The following VAX2 variants were observed in gnomAD, a reference collection of about 807,000 sequenced individuals.
VAX2 encodes the protein ventral anterior homeobox 2.
Under a neutral mutation model 12.5 loss-of-function variants are expected in VAX2, and 8 were observed. The observed-to-expected ratio is 0.64, with a 90% CI of 0.37 to 1.15. VAX2 has a LOEUF of 1.15. Among genes scored for constraint, VAX2 ranks in the 50% most tolerant of loss-of-function variants. The probability of loss-of-function intolerance (pLI) is 0.01; values close to 1 mark genes in which losing one functional copy is unlikely to be tolerated. For synonymous variants in VAX2, 183 were observed against 187.6 expected, an observed-to-expected ratio of 0.98 and a Z score of 0.20; for missense variants, 476 against 412.9, an observed-to-expected ratio of 1.15 and a Z score of -1.32.
intron 2 of VAX2, among the ~76,000 whole-genome samples, chr2:70,922,518 A>AG (rs1553412986): frequency 6.6e-6 from 1 of 151,902 alleles, no homozygotes; most frequent in Non-Finnish European, 1.5e-5. Flanking sequence ...ACCCCTGGGG[A>AG]GGGGGTAGTC....
intron 2 of VAX2, 38 bp downstream of exon 2, chr2:70,921,323 G>A: frequency 6.6e-7 from 1 of 1,525,692 alleles, no homozygotes; most frequent in Non-Finnish European, 8.8e-7. Flanking sequence ...CTCTTGTCCT[G>A]GCAGCCTGGG....
At chr2:70,908,024 C>T (rs556305002) in intron 1 of VAX2, among the ~76,000 whole-genome samples, 3 of 152,280 alleles carry the variant, frequency 2.0e-5, no homozygotes, top group South Asian at 2.1e-4. Flanking sequence ...GGTTGTTTTT[C>T]CTTAATATAA....
intron 1 of VAX2, among the ~76,000 whole-genome samples, chr2:70,902,043 C>T (rs1678946298): frequency 6.6e-6 from 1 of 152,220 alleles, no homozygotes; most frequent in Non-Finnish European, 1.5e-5. Context: ...CTGGGGAAGG[C>T]GAACAGGCTG....
At position 70,929,817 on chromosome 2, in the gene VAX2, G is replaced by A. The variant is rs538347747; in HGVS notation, c.436-2950G>A. 4.6e-5 allele frequency among the ~76,000 whole-genome samples: 7 copies of A among 152,196 alleles called. No homozygotes were observed. The East Asian group carries it at 5.8e-4, about 13-fold the overall frequency. ...TCACCTCAAATCATTTGAGAAACAC[G>A]GCTCAAAGCCCTTGCTGCCAATTGA... On this transcript the variant is annotated intron_variant, in intron 2 of 2. Coordinates refer to ENST00000234392, the MANE Select transcript of VAX2 (RefSeq NM_012476.3).
chr2:70,911,520 T>C (rs1363801030), intron 1 of VAX2, among the ~76,000 whole-genome samples: 1 of 152,170 alleles, frequency 6.6e-6, no homozygotes, highest in African/African-American at 2.4e-5. Flanking sequence ...TTATTCCTCT[T>C]CAAAAACCAT....
chr2:70,913,507 C>T lies in VAX2; in HGVS notation c.248-7591C>T, dbSNP rs147087937. Reference sequence around the variant, plus strand: ...GTCTGGCCAACATGGTGAAACCCTGCCTCTACTAAAAATACAAAAATTAGC... The same window carrying T: ...GTCTGGCCAACATGGTGAAACCCTGTCTCTACTAAAAATACAAAAATTAGC... On this transcript the variant is annotated intron_variant, in intron 1 of 2. Transcript: ENST00000234392. Among the ~76,000 whole-genome samples, 511 of 151,960 alleles carry T rather than the reference C, an allele frequency of 3.4e-3. 3 individuals carry two copies. Among genetic ancestry groups the T allele is most frequent in the Middle Eastern group, 0.031 (9 of 294 alleles).
intron 1 of VAX2, among the ~76,000 whole-genome samples, chr2:70,902,078 C>A (rs1458194380): frequency 6.6e-6 from 1 of 151,864 alleles, no homozygotes; most frequent in Non-Finnish European, 1.5e-5. Flanking sequence ...GTCGTTCCAG[C>A]GAGGGGATTA....
In VAX2 at chr2:70,933,222, A is replaced by G; in HGVS notation, c.*18A>G. 1 of 1,499,696 alleles carries G rather than the reference A, an allele frequency of 6.7e-7. No individual in the cohort carries two copies. The highest frequency in any genetic ancestry group is 8.9e-7 in the Non-Finnish European group (1 of 1,123,888). 92.9% of individuals were successfully genotyped at this position (1,499,696 alleles called of 1,614,324 possible). ...ACACTTAAGACTCCCACCCTGTGACACTGAGTCCCGAGCACAGCACCTTCC... is the reference window on the plus strand; with the variant it reads ...ACACTTAAGACTCCCACCCTGTGACGCTGAGTCCCGAGCACAGCACCTTCC... On this transcript the variant is annotated 3_prime_UTR_variant, in exon 3 of 3. Coordinates refer to ENST00000234392, the MANE Select transcript of VAX2 (RefSeq NM_012476.3).
chr2:70,919,707 C>A (rs1407827655), intron 1 of VAX2, among the ~76,000 whole-genome samples: 1 of 152,036 alleles, frequency 6.6e-6, no homozygotes, highest in Non-Finnish European at 1.5e-5. Context: ...CAAAAATTAG[C>A]AGGGCGTGGT....
chr2:70,913,488 C>T (rs1030473398), intron 1 of VAX2, among the ~76,000 whole-genome samples: 9 of 152,054 alleles, frequency 5.9e-5, no homozygotes, highest in Admixed American at 3.3e-4. Context: ...ACCAGTCTGG[C>T]CAACATGGTG....
chr2:70,932,486 T>C (rs1330103273), intron 2 of VAX2, among the ~76,000 whole-genome samples: 3 of 151,980 alleles, frequency 2.0e-5, no homozygotes, highest in Non-Finnish European at 4.4e-5. Flanking sequence ...TGTCGATCCA[T>C]TCCTCCATCC....
chr2:70,909,222 G>T (rs112989668), intron 1 of VAX2, among the ~76,000 whole-genome samples: 3,169 of 152,164 alleles, frequency 0.021, 118 homozygotes, highest in African/African-American at 0.072. Context: ...CTGGAGTGCA[G>T]TGGCCCAACA....
Position 70,932,637 on chromosome 2 carries a change from A to AGCCCCCCC in VAX2, c.436-130_436-129insGCCCCCCC. ...TCTTTCCCTCTTGCTCCACCCTCAC[A>AGCCCCCCC]CCCCACCCCCACCCCCATCCACCAC... On this transcript the variant is annotated intron_variant, in intron 2 of 2. Transcript: ENST00000234392. 2.1e-5 allele frequency: 3 copies of AGCCCCCCC among 144,554 alleles called. 1 individual carries two copies. The highest frequency in any genetic ancestry group is 1.8e-4 in the East Asian group (1 of 5,578). 9.0% of individuals were successfully genotyped at this position (144,554 alleles called of 1,614,324 possible). A position where few individuals can be genotyped will look rare whatever the true frequency, so the allele number is the denominator to read the frequency against.
intron 1 of VAX2, among the ~76,000 whole-genome samples, chr2:70,909,108 T>C (rs1166666319): frequency 6.6e-6 from 1 of 152,234 alleles, no homozygotes; most frequent in Non-Finnish European, 1.5e-5. Context: ...CCTTTGATTT[T>C]GTTTAGGATG....
chr2:70,921,126 C>T lies in VAX2; in HGVS notation c.276C>T (p.Val92=), dbSNP rs782573954. The change falls in exon 2 of 3, where the codon GTC becomes GTT. Residue 92 remains valine (V), a synonymous_variant. Transcript: ENST00000234392. ...CCAAAGGGACAATTCGGGAAATTGT[C>T]CTGCCTAAGGGCCTGGACCTGGACC... The part of the protein sequence containing the change: ...RDAKGTIREI[V]LPKGLDLDRP... 1.9e-6 allele frequency: 3 copies of T among 1,606,944 alleles called. No individual in the cohort carries two copies. The highest frequency in any genetic ancestry group is 1.7e-5 in the Admixed American group (1 of 58,740).
In VAX2 at chr2:70,921,191, T is replaced by G. The variant is rs1679448981; in HGVS notation, c.341T>G (p.Leu114Arg). Reference protein sequence around the residue: ...RTRTSFTAEQLYRLEMEFQRC... With the variant: ...RTRTSFTAEQRYRLEMEFQRC... ...CGTACATCCTTCACTGCCGAGCAGC[T>G]GTACCGCCTGGAGATGGAGTTCCAG... Residue 114 changes from leucine to arginine, a missense_variant, in exon 2 of 3, where the codon CTG (leucine) becomes CGG (arginine). By Grantham distance (102) the Leu-to-Arg change is moderately radical (BLOSUM62 -2). Transcript: ENST00000234392. The G allele has an allele frequency of 4.3e-6, 7 of 1,613,574 alleles. No homozygotes were observed. In the Admixed American group the frequency reaches 1.0e-4, roughly 23 times the overall value.
chr2:70,904,855 G>A lies in VAX2; in HGVS notation c.247+3987G>A, dbSNP rs1413460361. Among the ~76,000 whole-genome samples, 6 of 152,362 alleles carry A rather than the reference G, an allele frequency of 3.9e-5. No homozygotes were observed. The highest frequency in any genetic ancestry group is 1.4e-4 in the African/African-American group (6 of 41,594). ...TGGAGTCCAGTCCTTCGGAGAATCC[G>A]CGGGCAGTCGGGACCCACGCTCCGG... On this transcript the variant is annotated intron_variant, in intron 1 of 2. Transcript: ENST00000234392. This position sits in a 1 kb window ranked among gnomAD's most constrained non-coding sequence, Gnocchi z 4.2.
intron 1 of VAX2, among the ~76,000 whole-genome samples, chr2:70,918,926 G>A (rs573369133): frequency 2.2e-4 from 34 of 151,700 alleles, no homozygotes; most frequent in African/African-American, 8.0e-4. Context: ...TGATGGAGGC[G>A]GGCGCAGTGG....
rs1293549176 is a variant in VAX2 at position 70,904,568 on chromosome 2, C to T, written c.247+3700C>T. Among the ~76,000 whole-genome samples, 23 of 152,352 alleles carry T rather than the reference C, an allele frequency of 1.5e-4. No homozygotes were observed. The highest frequency in any genetic ancestry group is 5.3e-4 in the African/African-American group (22 of 41,582). On this transcript the variant is annotated intron_variant, in intron 1 of 2. Transcript: ENST00000234392. This position sits in a 1 kb window ranked among gnomAD's most constrained non-coding sequence, Gnocchi z 4.2. ...TTCCTGCTCACCCAAAGCGGCCTCT[C>T]TGGGCTGACAGCCACCCCTGCGGGT... is the stretch of plus-strand genomic sequence containing the variant.
Sources: allele counts gnomAD v4.1 joint callset (sites outside exome capture counted in the v4.1 genomes callset), GRCh38; gene constraint gnomAD v4.1.1; non-coding constraint Gnocchi (gnomAD v3.1); transcripts MANE v1.5; gene names NCBI Gene and HGNC (gene_info 2026-07-23, HGNC 2026-07-21).